Variants in STK38L observed in about 807,000 individuals in gnomAD.
The protein encoded by STK38L is serine/threonine-protein kinase 38-like.
In STK38L, 28 loss-of-function variants were observed where a neutral mutation model predicts 59.7. That is an observed-to-expected ratio of 0.47 (90% CI 0.35 to 0.64). STK38L has a LOEUF of 0.64. Ranked by LOEUF, STK38L falls within the 30% of genes least tolerant of loss-of-function variation. The pLI, the probability that STK38L is intolerant of heterozygous loss-of-function variation, is 0.01. For missense variants in STK38L, 314 were observed against 555.8 expected (o/e 0.56, Z 4.37); for synonymous variants, 162 against 176.8 (o/e 0.92, Z 0.66).
chr12:27,272,888 C>T (rs1387307751), intron 1 of STK38L, among the ~76,000 whole-genome samples: 1 of 152,084 alleles, frequency 6.6e-6, no homozygotes. Flanking sequence ...TTTGCCAGGT[C>T]TCTGATAAGT....
intron 8 of STK38L, 27 bp from the exon 9 acceptor site, chr12:27,315,262 A>G (rs750848411): frequency 9.7e-5 from 156 of 1,612,342 alleles, no homozygotes; most frequent in Non-Finnish European, 1.2e-4. Flanking sequence ...TTCCCTCGTG[A>G]TTACAATTCC....
At chr12:27,321,427 C>T (rs916172156) in intron 12 of STK38L, among the ~76,000 whole-genome samples, 5 of 152,098 alleles carry the variant, frequency 3.3e-5, no homozygotes, top group African/African-American at 1.2e-4. Flanking sequence ...AATATATAGT[C>T]CCTTCACCTA....
intron 3 of STK38L, among the ~76,000 whole-genome samples, chr12:27,303,394 T>G (rs1260863879): frequency 6.6e-6 from 1 of 152,124 alleles, no homozygotes; most frequent in Non-Finnish European, 1.5e-5. Context: ...AGGCATCACT[T>G]CCACTGGGAA....
chr12:27,301,980 A>C (rs1290726264), intron 2 of STK38L, among the ~76,000 whole-genome samples, 157 bp from the exon 3 acceptor site: 1 of 152,156 alleles, frequency 6.6e-6, no homozygotes, highest in Non-Finnish European at 1.5e-5. Context: ...TTTGAGAAAG[A>C]AAACTATTCT....
chr12:27,283,848 AG>A (rs1174764623), intron 1 of STK38L, among the ~76,000 whole-genome samples: 2 of 152,168 alleles, frequency 1.3e-5, no homozygotes, highest in Admixed American at 1.3e-4. Flanking sequence ...GTCCTGAACA[AG>A]GAGTTCCCAT....
At chr12:27,292,560 C>T (rs1268270949) in intron 1 of STK38L, among the ~76,000 whole-genome samples, 11 of 152,184 alleles carry the variant, frequency 7.2e-5, no homozygotes, top group Admixed American at 7.2e-4. Flanking sequence ...ATGAAACACA[C>T]ATATAATTTA....
In STK38L at chr12:27,309,094, A is replaced by G. The variant is rs769466123; in HGVS notation, c.310-20A>G. ...CAAATAGTAGTGACTGTTTTATAAT[A>G]TATGTTTTTTATCTTTTAGGTGCGG... On this transcript the variant is annotated intron_variant, in intron 4 of 13. Transcript: ENST00000389032. The G allele has an allele frequency of 1.9e-6, 3 of 1,543,366 alleles. No homozygotes were observed. The highest frequency in any genetic ancestry group is 2.6e-6 in the Non-Finnish European group (3 of 1,145,028).
rs182858437 is a variant in STK38L at position 27,325,433 on chromosome 12, T to A, written c.*2978T>A. 6 of 152,302 alleles carry A rather than the reference T, an allele frequency of 3.9e-5. No homozygotes were observed. The East Asian group carries it at 1.2e-3, about 29-fold the overall frequency. The allele number at this position is 152,302 out of a possible 1,614,324, so 9.4% of individuals were successfully genotyped here. A position where few individuals can be genotyped will look rare whatever the true frequency, so the allele number is the denominator to read the frequency against. The stretch of plus-strand genomic sequence containing the variant: ...ATTGTATAAAACCTTAGACAATCAA[T>A]CAGTCAGTCTTTACTGACAGGAGCA... On this transcript the variant is annotated 3_prime_UTR_variant, in exon 14 of 14. Transcript: ENST00000389032.
In STK38L at chr12:27,296,516, C is replaced by T. The variant is rs113268271; in HGVS notation, c.-11-1194C>T. Among the ~76,000 whole-genome samples, 590 of 152,350 alleles carry T rather than the reference C, an allele frequency of 3.9e-3. 2 individuals carry two copies. The highest frequency in any genetic ancestry group is 0.014 in the African/African-American group (578 of 41,584). On this transcript the variant is annotated intron_variant, in intron 1 of 13. Transcript: ENST00000389032. Reference sequence around the variant, plus strand: ...GACATCTTTTGGTTCATTCCATCAACCCTGGAATCTAGTCCACTTCAGGTC... The same window carrying T: ...GACATCTTTTGGTTCATTCCATCAATCCTGGAATCTAGTCCACTTCAGGTC...
Position 27,288,825 on chromosome 12 carries a change from C to T in STK38L, c.-11-8885C>T, listed in dbSNP as rs77112516. Among the ~76,000 whole-genome samples, 792 of 151,990 alleles carry T rather than the reference C, an allele frequency of 5.2e-3. 10 individuals carry two copies. The highest frequency in any genetic ancestry group is 0.018 in the African/African-American group (734 of 41,426). ...ACTCACTCTGGTCTCCCCTCACCTT[C>T]GTTACCCATCATCTCCCTCCCCCCT... On this transcript the variant is annotated intron_variant, in intron 1 of 13. Coordinates refer to ENST00000389032, the MANE Select transcript of STK38L (RefSeq NM_015000.4).
intron 1 of STK38L, among the ~76,000 whole-genome samples, chr12:27,289,489 T>C (rs1436867372): frequency 6.6e-6 from 1 of 152,208 alleles, no homozygotes; most frequent in Non-Finnish European, 1.5e-5. Flanking sequence ...TTTTTGTGCA[T>C]AGGAAAACTA....
intron 1 of STK38L, among the ~76,000 whole-genome samples, chr12:27,252,968 G>T (rs1943009087): frequency 6.6e-6 from 1 of 152,194 alleles, no homozygotes; most frequent in Admixed American, 6.5e-5. Flanking sequence ...GGGTACAAAT[G>T]ACTGTAATTC....
At chr12:27,281,500 G>C (rs946249055) in intron 1 of STK38L, among the ~76,000 whole-genome samples, 1 of 152,172 alleles carries the variant, frequency 6.6e-6, no homozygotes, top group African/African-American at 2.4e-5. Context: ...CAGTTGAGAG[G>C]CCTCTGGTAA....
chr12:27,277,736 T>C (rs930148371), intron 1 of STK38L, among the ~76,000 whole-genome samples: 6 of 152,154 alleles, frequency 3.9e-5, no homozygotes, highest in Non-Finnish European at 5.9e-5. Flanking sequence ...TTGAGCAGTA[T>C]TTTTTGCTCC....
chr12:27,312,142 G>T (rs565230027), intron 5 of STK38L, among the ~76,000 whole-genome samples: 1 of 152,314 alleles, frequency 6.6e-6, no homozygotes, highest in East Asian at 1.9e-4. Flanking sequence ...GCCTCCCAAA[G>T]TGCTGGGATT....
intron 12 of STK38L, among the ~76,000 whole-genome samples, chr12:27,320,389 C>T (rs960087429): frequency 7.2e-5 from 11 of 151,788 alleles, no homozygotes; most frequent in Non-Finnish European, 1.0e-4. Context: ...ACCTCATCCC[C>T]GCAAGTAGCT....
Position 27,324,551 on chromosome 12 carries a change from T to C in STK38L, c.*2096T>C, listed in dbSNP as rs1392887727. ...CTAAGTTTACTTTTTAATTGCATAA[T>C]AGAGCATTTTTTGTTTTGAGTTCCC... On this transcript the variant is annotated 3_prime_UTR_variant, in exon 14 of 14. Coordinates refer to ENST00000389032, the MANE Select transcript of STK38L (RefSeq NM_015000.4). 1 of 152,094 alleles carries C rather than the reference T, an allele frequency of 6.6e-6. No homozygotes were observed. Among genetic ancestry groups the C allele is most frequent in the Non-Finnish European group, 1.5e-5 (1 of 67,942 alleles). The allele number at this position is 152,094 out of a possible 1,614,324, so 9.4% of individuals were successfully genotyped here.
At position 27,247,167 on chromosome 12, in the gene STK38L, C is replaced by T. The variant is rs192204856; in HGVS notation, c.-12+2835C>T. 2.0e-3 allele frequency among the ~76,000 whole-genome samples: 305 copies of T among 152,274 alleles called. 2 individuals carry two copies. Among genetic ancestry groups the T allele is most frequent in the African/African-American group, 6.8e-3 (282 of 41,560 alleles). ...CCTGCTAAATCCTTTACATATATTACTTACTTGCCTGGCTTTAATCCTCAC... is the reference window on the plus strand; with the variant it reads ...CCTGCTAAATCCTTTACATATATTATTTACTTGCCTGGCTTTAATCCTCAC... On this transcript the variant is annotated intron_variant, in intron 1 of 13. Transcript: ENST00000389032.
At chr12:27,264,800 G>A (rs1171522922) in intron 1 of STK38L, among the ~76,000 whole-genome samples, 2 of 152,160 alleles carry the variant, frequency 1.3e-5, no homozygotes, top group African/African-American at 2.4e-5. Flanking sequence ...GGGGATCCTG[G>A]AACCAATTCC....
Sources: gnomAD v4.1 joint callset for allele counts (sites outside exome capture counted in the v4.1 genomes callset) on GRCh38, gnomAD v4.1.1 for gene constraint, MANE v1.5 for transcripts, NCBI Gene and HGNC (gene_info 2026-07-23, HGNC 2026-07-21) for gene names.